Variants in ZNF75D observed in about 807,000 individuals in gnomAD.
ZNF75D encodes the protein zinc finger protein 75D, also known as zinc finger protein 75.
In ZNF75D, 33 loss-of-function variants were observed where a neutral mutation model predicts 33.3. The ratio of observed to expected loss-of-function variants is 0.99; its 90% CI spans 0.75 to 1.32. The LOEUF (loss-of-function observed/expected upper bound fraction) is 1.32. Among genes scored for constraint, ZNF75D ranks in the 40% most tolerant of loss-of-function variants. ZNF75D has a pLI of 0.00. For missense variants in ZNF75D, 338 were observed against 367.5 expected, an observed-to-expected ratio of 0.92 and a Z score of 0.66; for synonymous variants, 113 against 130.6, an observed-to-expected ratio of 0.87 and a Z score of 0.92.
At chrX:135,291,312 G>T in intron 5 of ZNF75D, 160 bp downstream of exon 5, 1 of 790,899 alleles carries the variant, frequency 1.3e-6, no homozygotes, top group Non-Finnish European at 1.8e-6. Flanking sequence ...CACCTGGGAG[G>T]TGCCCAGTTC....
Position 135,294,099 on chromosome X carries a change from G to C in ZNF75D, c.42C>G (p.Pro14=). The change falls in exon 3 of 7, where the codon CCC becomes CCG. Residue 14 remains proline (P), a synonymous_variant. Transcript: ENST00000370766. Reference sequence around the variant, plus strand: ...TAGTCTCCCACATAGCCCCCATCTGGGGGCTTGAGCATGAATCCGCGTTCA... The same window carrying C: ...TAGTCTCCCACATAGCCCCCATCTGCGGGCTTGAGCATGAATCCGCGTTCA... ...RELNADSCSS[P]QMGAMWETSG... 8.3e-7 allele frequency: 1 copy of C among 1,204,193 alleles called. No individual in the cohort carries two copies. Among genetic ancestry groups the C allele is most frequent in the Non-Finnish European group, 1.1e-6 (1 of 892,125 alleles).
At position 135,287,367 on chromosome X, in the gene ZNF75D, TTG is replaced by T. The variant is rs782314231; in HGVS notation, c.1301_1302del (p.Thr434LysfsTer16). On this transcript the variant is annotated frameshift_variant, in exon 7 of 7. Transcript: ENST00000370766. LOFTEE classifies it high-confidence loss of function. ...TGAATTCTTTGGTGTGTGTGTAGAT[TTG>T]TGTTATGACTAAAGCTTTTCCCACA... ...SWCGKSFSHN[T>X]NLHTHQRIHT... The T allele has an allele frequency of 8.3e-7, 1 of 1,209,867 alleles. No individual in the cohort carries two copies. The highest frequency in any genetic ancestry group is 1.1e-6 in the Non-Finnish European group (1 of 894,553).
chrX:135,339,992 A>G (rs2084764514), intron 1 of ZNF75D, among the ~76,000 whole-genome samples: 1 of 112,837 alleles, frequency 8.9e-6, no homozygotes. Context: ...AGATGGTCCC[A>G]ATGAAGAGAG....
At chrX:135,258,179 A>ATATGTGCCACATTTTCT (rs782362401) in intron 1 of ZNF75D, among the ~76,000 whole-genome samples, 868 of 73,530 alleles carry the variant, frequency 0.012, 21 homozygotes, top group Middle Eastern at 0.031. Flanking sequence ...TCCATGGTGT[A>ATATGTGCCACATTTTCT]TAATCCAGTC....
intron 1 of ZNF75D, among the ~76,000 whole-genome samples, chrX:135,301,737 G>C (rs1235090327): frequency 1.8e-5 from 2 of 112,055 alleles, no homozygotes; most frequent in African/African-American, 6.5e-5. Flanking sequence ...CAGGCACACG[G>C]TACAAGCTGT....
At chrX:135,282,311 A>C (rs1556418640), downstream of ZNF75D, among the ~76,000 whole-genome samples, 1 of 111,446 alleles carries the variant, frequency 9.0e-6, no homozygotes, top group Non-Finnish European at 1.9e-5. Context: ...CCACCTACTC[A>C]AGCCTCAGTA....
intron 3 of ZNF75D, among the ~76,000 whole-genome samples, chrX:135,250,380 G>A (rs1421963874): frequency 7.4e-5 from 7 of 94,795 alleles, no homozygotes; most frequent in Non-Finnish European, 1.5e-4. Flanking sequence ...GACCTGGGTC[G>A]CTTTAAAAAA....
chrX:135,287,197 G>A lies in ZNF75D; in HGVS notation c.1473C>T (p.Ser491=). ...LCKRNFSRRS[S]LLRHQKLHRR... is the part of the protein sequence containing the mutation. ...TGTGGAGTTTCTGGTGTCTAAGAAG[G>A]CTCGATCGCCTACTAAAGTTTCTCT... is the stretch of plus-strand genomic sequence containing the variant. Residue 491 remains serine, a synonymous_variant, in exon 7 of 7, where the codon AGC becomes AGT. Coordinates refer to ENST00000370766, the MANE Select transcript of ZNF75D (RefSeq NM_007131.5). The A allele has an allele frequency of 8.3e-7, 1 of 1,210,900 alleles. No individual in the cohort carries two copies. Among genetic ancestry groups the A allele is most frequent in the Non-Finnish European group, 1.1e-6 (1 of 895,304 alleles).
chrX:135,293,056 T>C (rs1556421699), intron 3 of ZNF75D, among the ~76,000 whole-genome samples: 1 of 111,098 alleles, frequency 9.0e-6, no homozygotes. Context: ...GGTAGGCTCC[T>C]GAAAAAAGAA....
In ZNF75D at chrX:135,311,880, G is replaced by T. The variant is rs782152148; in HGVS notation, c.-390-15841C>A. On this transcript the variant is annotated intron_variant, in intron 1 of 6. Coordinates refer to ENST00000370766, the MANE Select transcript of ZNF75D (RefSeq NM_007131.5). ...GGCTTGATTTTTTATTGATAATTTTGTACCTGTTTATGGGATACATGTGTT... is the reference window on the plus strand; with the variant it reads ...GGCTTGATTTTTTATTGATAATTTTTTACCTGTTTATGGGATACATGTGTT... Among the ~76,000 whole-genome samples, 45 of 111,346 alleles carry T rather than the reference G, an allele frequency of 4.0e-4. No homozygotes were observed. In the Admixed American group the frequency reaches 4.3e-3, roughly 11 times the overall value.
chrX:135,331,948 T>C (rs1272796101), intron 1 of ZNF75D, among the ~76,000 whole-genome samples: 1 of 111,733 alleles, frequency 8.9e-6, no homozygotes, highest in Non-Finnish European at 1.9e-5. Flanking sequence ...TGCAGCTGGC[T>C]GTAGGATGAA....
intron 1 of ZNF75D, among the ~76,000 whole-genome samples, chrX:135,325,560 C>A (rs1373186591): frequency 8.9e-6 from 1 of 112,341 alleles, no homozygotes; most frequent in Non-Finnish European, 1.9e-5. Context: ...AGCCGGCCGG[C>A]CCTGCCGGCC....
At chrX:135,325,882 G>A (rs782804832) in intron 1 of ZNF75D, among the ~76,000 whole-genome samples, 6 of 112,846 alleles carry the variant, frequency 5.3e-5, no homozygotes, top group East Asian at 2.8e-4. Flanking sequence ...CTGCAGCCCC[G>A]GTGCAGGATC....
intron 1 of ZNF75D, among the ~76,000 whole-genome samples, chrX:135,275,379 T>C (rs2083895950): frequency 8.9e-6 from 1 of 111,991 alleles, no homozygotes; most frequent in Non-Finnish European, 1.9e-5. Flanking sequence ...GAGTACTTAT[T>C]GGTTGTTTGC....
intron 3 of ZNF75D, 46 bp downstream of exon 3, chrX:135,293,684 A>G (rs1556421872): frequency 9.1e-7 from 1 of 1,102,370 alleles, no homozygotes; most frequent in African/African-American, 1.8e-5. Flanking sequence ...TGATATATCC[A>G]CTTTTATCCT....
chrX:135,256,105 C>T (rs2083797857), intron 1 of ZNF75D, among the ~76,000 whole-genome samples: 2 of 22,482 alleles, frequency 8.9e-5, no homozygotes, highest in Non-Finnish European at 1.6e-4. Context: ...CCACTCATCC[C>T]ATCTCCCTTC....
At chrX:135,282,816 A>C (rs782341084), downstream of ZNF75D, among the ~76,000 whole-genome samples, 1 of 111,886 alleles carries the variant, frequency 8.9e-6, no homozygotes, top group South Asian at 3.8e-4. Flanking sequence ...CATGAGCTGC[A>C]CCCACTGTCT....
intron 1 of ZNF75D, among the ~76,000 whole-genome samples, chrX:135,336,998 G>A (rs114586063): frequency 5.4e-5 from 6 of 111,978 alleles, no homozygotes; most frequent in African/African-American, 1.9e-4. Flanking sequence ...GGCACGATTG[G>A]AACTAGGTGT....
rs782789764 is a variant in ZNF75D, at chrX:135,287,832, T to G, written c.838A>C (p.Asn280His). The G allele has an allele frequency of 8.3e-7, 1 of 1,200,913 alleles. No individual in the cohort carries two copies. Among genetic ancestry groups the G allele is most frequent in the Non-Finnish European group, 1.1e-6 (1 of 887,381 alleles). Residue 280 changes from asparagine to histidine, a missense_variant, in exon 7 of 7, where the codon AAT (asparagine) becomes CAT (histidine). Around this residue, in one of 3 missense-constraint regions of ZNF75D, gnomAD observed 254 missense variants for 267.7 expected, o/e 0.95. Coordinates refer to ENST00000370766, the MANE Select transcript of ZNF75D (RefSeq NM_007131.5). Reference sequence around the variant, plus strand: ...ATAGGATGATCATTTCCAGTGTCATTTTTTAGCTTTAACCCTGTTAGAATA... The same window carrying G: ...ATAGGATGATCATTTCCAGTGTCATGTTTTAGCTTTAACCCTGTTAGAATA... Reference protein sequence around the residue: ...TVISLGLKLKNDTGNDHPISV... With the variant: ...TVISLGLKLKHDTGNDHPISV...
Sources: gnomAD v4.1 joint callset for allele counts (sites outside exome capture counted in the v4.1 genomes callset) on GRCh38, gnomAD v4.1.1 for gene constraint, gnomAD v4.1.1 regional missense constraint, MANE v1.5 for transcripts, NCBI Gene and HGNC (gene_info 2026-07-23, HGNC 2026-07-21) for gene names.